ZNF547: variants seen among roughly 807,000 people sequenced by gnomAD.
ZNF547 encodes the protein zinc finger protein 547.
A neutral mutation model predicts 7.7 loss-of-function variants in ZNF547; 4 were observed. The observed-to-expected ratio is 0.52, with a 90% CI of 0.26 to 1.20. ZNF547 has a LOEUF of 1.20. Ranked by LOEUF, ZNF547 falls within the 50% of genes most tolerant of loss-of-function variation. The pLI is 0.14. For missense variants in ZNF547, 449 were observed against 485.8 expected (o/e 0.92, Z 0.71); for synonymous variants, 166 against 166.2 (o/e 1.00, Z 0.01).
At chr19:57,365,599 C>T (rs1388010173) in intron 1 of ZNF547, among the ~76,000 whole-genome samples, 1 of 151,070 alleles carries the variant, frequency 6.6e-6, no homozygotes, top group East Asian at 1.9e-4. Context: ...CCCTCCGCCT[C>T]CCAGGTTCAA....
chr19:57,364,728 G>A (rs2088450709), intron 1 of ZNF547: 5 of 951,300 alleles, frequency 5.3e-6, no homozygotes, highest in African/African-American at 1.6e-5. Flanking sequence ...GCGACAGAGC[G>A]AGATTCCGTG....
At position 57,377,753 on chromosome 19, in the gene ZNF547, G is replaced by A. The variant is rs1421718205; in HGVS notation, c.777G>A (p.Gln259=). 6.2e-7 allele frequency: 1 copy of A among 1,614,054 alleles called. No individual in the cohort carries two copies. The highest frequency in any genetic ancestry group is 8.5e-7 in the Non-Finnish European group (1 of 1,179,994). ...FMWSSTLITH[Q]RVHTGKRPYG... is the part of the protein sequence containing the mutation. ...GGAGTTCCACACTCATTACACATCA[G>A]AGGGTTCACACTGGAAAGAGGCCTT... Residue 259 remains glutamine (Q), a synonymous_variant, in exon 4 of 4, where the codon CAG becomes CAA. Transcript: ENST00000282282.
At chr19:57,364,465 G>GCT in intron 1 of ZNF547, 1 of 220,658 alleles carries the variant, frequency 4.5e-6, no homozygotes, top group Non-Finnish European at 9.1e-6. Flanking sequence ...GAGGGTGGCC[G>GCT]GGCGTGGTGG....
rs764646392 is a variant in ZNF547 at position 57,377,892 on chromosome 19, A to T, written c.916A>T (p.Met306Leu). The stretch of plus-strand genomic sequence containing the variant: ...TTGCAGTGAATGTGGGAAATTCTTT[A>T]TGGAAAGGTCTACACTCAGTAGACA... ...YGCSECGKFF[M>L]ERSTLSRHQR... The change falls in exon 4 of 4, where the codon ATG becomes TTG. Residue 306 changes from methionine (M) to leucine (L), a missense_variant. Transcript: ENST00000282282. 1.2e-6 allele frequency: 2 copies of T among 1,613,706 alleles called. No individual in the cohort carries two copies. The highest frequency in any genetic ancestry group is 1.7e-5 in the Admixed American group (1 of 59,986).
intron 2 of ZNF547, among the ~76,000 whole-genome samples, chr19:57,368,921 G>A (rs2088487751): frequency 6.6e-6 from 1 of 152,158 alleles, no homozygotes; most frequent in African/African-American, 2.4e-5. Context: ...GATTTTTAGG[G>A]AACTGCAAGT....
intron 1 of ZNF547, among the ~76,000 whole-genome samples, chr19:57,366,150 A>T (rs1276775299): frequency 1.3e-5 from 2 of 151,852 alleles, no homozygotes; most frequent in Non-Finnish European, 2.9e-5. Context: ...GGTGTGAGCC[A>T]CTGCGCCTGG....
At chr19:57,369,399 AGT>A (rs1311690425) in intron 2 of ZNF547, among the ~76,000 whole-genome samples, 1 of 152,024 alleles carries the variant, frequency 6.6e-6, no homozygotes, top group Non-Finnish European at 1.5e-5. Flanking sequence ...TTTCAGAGTG[AGT>A]GTGAGGAGTC....
In ZNF547 at chr19:57,378,313, T is replaced by A; in HGVS notation, c.*128T>A. 1.2e-6 allele frequency: 1 copy of A among 832,140 alleles called. No homozygotes were observed. Among genetic ancestry groups the A allele is most frequent in the Non-Finnish European group, 1.9e-6 (1 of 514,756 alleles). 51.5% of individuals were successfully genotyped at this position (832,140 alleles called of 1,614,324 possible). A position where few individuals can be genotyped will look rare whatever the true frequency, so the allele number is the denominator to read the frequency against. On this transcript the variant is annotated 3_prime_UTR_variant, in exon 4 of 4. Coordinates refer to ENST00000282282, the MANE Select transcript of ZNF547 (RefSeq NM_173631.4). Reference sequence around the variant, plus strand: ...GTGGGTAATTATGTAGGTACAGCTCTCCAGTCGCTATGTATCAGAGAATTC... The same window carrying A: ...GTGGGTAATTATGTAGGTACAGCTCACCAGTCGCTATGTATCAGAGAATTC...
chr19:57,377,048 T>A, intron 3 of ZNF547, 80 bp from the exon 4 acceptor site: 1 of 1,372,854 alleles, frequency 7.3e-7, no homozygotes, highest in East Asian at 2.3e-5. Context: ...TTTCATGGGG[T>A]GTCTGACTGA....
rs759992941 is a variant in ZNF547 at position 57,364,850 on chromosome 19, A to G, written c.-13+1147A>G. ...TTGAAGACCATGTCTGGAAGCTTCTACTTTGTAATTGTTGGTCACCATGAT... is the reference window on the plus strand; with the variant it reads ...TTGAAGACCATGTCTGGAAGCTTCTGCTTTGTAATTGTTGGTCACCATGAT... On this transcript the variant is annotated intron_variant, in intron 1 of 3. Coordinates refer to ENST00000282282, the MANE Select transcript of ZNF547 (RefSeq NM_173631.4). 7 of 1,608,714 alleles carry G rather than the reference A, an allele frequency of 4.4e-6. No homozygotes were observed. In the African/African-American group the frequency reaches 5.3e-5, roughly 12 times the overall value.
At chr19:57,375,619 G>A (rs1344212507) in intron 3 of ZNF547, among the ~76,000 whole-genome samples, 2 of 136,450 alleles carry the variant, frequency 1.5e-5, no homozygotes, top group Admixed American at 8.4e-5. Flanking sequence ...CTGAGATCAA[G>A]CCACTGCACT....
Position 57,365,652 on chromosome 19 carries a change from C to T in ZNF547, c.-13+1949C>T, listed in dbSNP as rs183923564. 9.1e-3 allele frequency among the ~76,000 whole-genome samples: 1,371 copies of T among 150,912 alleles called. 10 individuals are homozygous for T. Among genetic ancestry groups the T allele is most frequent in the Middle Eastern group, 0.049 (14 of 286 alleles). On this transcript the variant is annotated intron_variant, in intron 1 of 3. Coordinates refer to ENST00000282282, the MANE Select transcript of ZNF547 (RefSeq NM_173631.4). ...TCCCGAGTAGCTGGGATTACAGGCT[C>T]CCACCACCATGCCTGCCTAATTTTT...
intron 1 of ZNF547, among the ~76,000 whole-genome samples, chr19:57,366,154 C>T (rs1277932373): frequency 1.1e-4 from 16 of 151,422 alleles, no homozygotes; most frequent in African/African-American, 3.2e-4. Flanking sequence ...TGAGCCACTG[C>T]GCCTGGCCAT....
chr19:57,364,778 C>G, intron 1 of ZNF547: 1 of 1,441,958 alleles, frequency 6.9e-7, no homozygotes, highest in Non-Finnish European at 9.6e-7. Flanking sequence ...TCCGCGGAAA[C>G]TGACATTGCG....
Position 57,378,971 on chromosome 19 carries a change from G to T in ZNF547, c.*786G>T. ...TTTTTCATTATTTTTTTTCACTTAG[G>T]ATAATATCCTCAAAGTTCATTCATT... On this transcript the variant is annotated 3_prime_UTR_variant, in exon 4 of 4. Transcript: ENST00000282282. The T allele has an allele frequency of 1.7e-5, 3 of 179,800 alleles. No individual in the cohort carries two copies. Among genetic ancestry groups the T allele is most frequent in the Non-Finnish European group, 1.2e-5 (1 of 84,572 alleles). The allele number at this position is 179,800 out of a possible 1,614,324, so 11.1% of individuals were successfully genotyped here. A position where few individuals can be genotyped will look rare whatever the true frequency, so the allele number is the denominator to read the frequency against.
chr19:57,366,544 ATTGT>A (rs1253910770), intron 1 of ZNF547, among the ~76,000 whole-genome samples: 1 of 113,414 alleles, frequency 8.8e-6, no homozygotes, highest in Admixed American at 1.0e-4. Flanking sequence ...ATTCAGATAA[ATTGT>A]TTTTTTTTTT....
chr19:57,363,808 G>C (rs1419474475), intron 1 of ZNF547, 105 bp downstream of exon 1: 1 of 151,650 alleles, frequency 6.6e-6, no homozygotes, highest in Non-Finnish European at 1.5e-5. Flanking sequence ...GTCTCGAAGA[G>C]AGGGGCGTTC....
rs762318212 is a variant in ZNF547 at position 57,371,815 on chromosome 19, T to C, written c.58T>C (p.Phe20Leu). The change falls in exon 3 of 4, where the codon TTC becomes CTC. Residue 20 changes from phenylalanine to leucine, a missense_variant. Coordinates refer to ENST00000282282, the MANE Select transcript of ZNF547 (RefSeq NM_173631.4). ...GGTTTTTGAAGACGTGGCCATATATTTCTCCCAGGAGGAGTGGGGGCATCT... is the reference window on the plus strand; with the variant it reads ...GGTTTTTGAAGACGTGGCCATATATCTCTCCCAGGAGGAGTGGGGGCATCT... ...HVVFEDVAIY[F>L]SQEEWGHLDE... The C allele has an allele frequency of 1.2e-6, 2 of 1,613,198 alleles. No homozygotes were observed. Among genetic ancestry groups the C allele is most frequent in the Non-Finnish European group, 1.7e-6 (2 of 1,179,744 alleles).
intron 3 of ZNF547, among the ~76,000 whole-genome samples, chr19:57,374,625 T>C (rs1893433917): frequency 6.6e-6 from 1 of 152,270 alleles, no homozygotes; most frequent in South Asian, 2.1e-4. Context: ...CTTTTCTGCC[T>C]TGCTTCCTCT....
Sources: gnomAD v4.1 joint callset for allele counts (sites outside exome capture counted in the v4.1 genomes callset) on GRCh38, gnomAD v4.1.1 for gene constraint, MANE v1.5 for transcripts, NCBI Gene and HGNC (gene_info 2026-07-23, HGNC 2026-07-21) for gene names.